Variants in CDCA7L observed in about 807,000 individuals in gnomAD.
The protein encoded by CDCA7L is cell division cycle associated 7 like, also known as cell division cycle-associated 7-like protein.
Under a neutral mutation model 57.4 loss-of-function variants are expected in CDCA7L, and 44 were observed. The ratio of observed to expected loss-of-function variants is 0.77; its 90% CI spans 0.60 to 0.98. The LOEUF is 0.98. Among genes scored for constraint, CDCA7L ranks in the 50% least tolerant of loss-of-function variants. The probability of loss-of-function intolerance (pLI) is 0.00; values close to 1 mark genes in which losing one functional copy is unlikely to be tolerated. For missense variants in CDCA7L, 644 were observed against 580.6 expected (o/e 1.11, Z -1.12); for synonymous variants, 236 against 202.8 (o/e 1.16, Z -1.39).
Position 21,916,839 on chromosome 7 carries a change from A to G in CDCA7L, c.80T>C (p.Val27Ala). Residue 27 changes from valine (V) to alanine (A), a missense_variant, in exon 2 of 10, where the codon GTT becomes GCT. Coordinates refer to ENST00000406877, the MANE Select transcript of CDCA7L (RefSeq NM_018719.5). The part of the protein sequence containing the change: ...FNAPSDDEEF[V>A]GFRDDVPMET... ...CATGGGAACATCATCTCGGAAGCCA[A>G]CAAACTCTTCATCATCACTGGGGGC... 3 of 1,614,122 alleles carry G rather than the reference A, an allele frequency of 1.9e-6. No homozygotes were observed. Among genetic ancestry groups the G allele is most frequent in the Non-Finnish European group, 2.5e-6 (3 of 1,179,982 alleles).
chr7:21,912,513 A>G (rs1397480073), intron 2 of CDCA7L, among the ~76,000 whole-genome samples: 1 of 152,222 alleles, frequency 6.6e-6, no homozygotes, highest in Non-Finnish European at 1.5e-5. Flanking sequence ...TGGAAAGAAG[A>G]TATGAGGAGA....
In CDCA7L at chr7:21,945,765, G is replaced by GCGGC. The variant is rs775713303; in HGVS notation, c.24+12_24+15dup. On this transcript the variant is annotated intron_variant, in intron 1 of 9. Coordinates refer to ENST00000406877, the MANE Select transcript of CDCA7L (RefSeq NM_018719.5). Reference sequence around the variant, plus strand: ...TGTGGGTGCGTCCGGACGGCGGCGGGCGGCCGGACCCTCACCTGGTAGCGA... The same window carrying GCGGC: ...TGTGGGTGCGTCCGGACGGCGGCGGGCGGCCGGCCGGACCCTCACCTGGTAGCGA... 10 of 1,598,820 alleles carry GCGGC rather than the reference G, an allele frequency of 6.3e-6. No homozygotes were observed. The highest frequency in any genetic ancestry group is 2.3e-5 in the East Asian group (1 of 43,032).
intron 1 of CDCA7L, among the ~76,000 whole-genome samples, chr7:21,926,269 A>C (rs568024014): frequency 4.6e-5 from 7 of 152,232 alleles, no homozygotes; most frequent in Non-Finnish European, 7.3e-5. Context: ...CCAACAGCAC[A>C]AGCAACAATT....
chr7:21,905,714 T>C (rs1785117801), intron 6 of CDCA7L, 83 bp from the exon 7 acceptor site: 2 of 1,424,578 alleles, frequency 1.4e-6, no homozygotes, highest in South Asian at 1.5e-5. Context: ...CTCAAAGATC[T>C]AGCACCATTA....
At chr7:21,943,193 G>A (rs1786398693) in intron 1 of CDCA7L, among the ~76,000 whole-genome samples, 1 of 152,232 alleles carries the variant, frequency 6.6e-6, no homozygotes, top group African/African-American at 2.4e-5. Flanking sequence ...AGACACAGTG[G>A]TCAGCACGAC....
At chr7:21,914,052 A>T (rs1419872482) in intron 2 of CDCA7L, among the ~76,000 whole-genome samples, 1 of 152,206 alleles carries the variant, frequency 6.6e-6, no homozygotes, top group Non-Finnish European at 1.5e-5. Flanking sequence ...TTGGTCATCT[A>T]CCATGATCAG....
rs937816163 is a variant in CDCA7L at position 21,911,836 on chromosome 7, C to G, written c.166-82G>C. 5 of 1,344,216 alleles carry G rather than the reference C, an allele frequency of 3.7e-6. No individual in the cohort carries two copies. In the Admixed American group the frequency reaches 1.1e-4, roughly 29 times the overall value. 83.3% of individuals were successfully genotyped at this position (1,344,216 alleles called of 1,614,324 possible). ...AAGGGTAGAATGAGGAGCTACTGAA[C>G]GGGTACAGAGCTTCTGATGGAGATG... On this transcript the variant is annotated intron_variant, in intron 2 of 9. Coordinates refer to ENST00000406877, the MANE Select transcript of CDCA7L (RefSeq NM_018719.5).
chr7:21,904,015 G>C (rs1785044184), intron 8 of CDCA7L, 95 bp downstream of exon 8: 1 of 1,176,650 alleles, frequency 8.5e-7, no homozygotes, highest in Admixed American at 3.2e-5. Flanking sequence ...GAGTTCTGGA[G>C]CTCCCTAGTT....
chr7:21,942,000 G>A (rs1164242654), intron 1 of CDCA7L, among the ~76,000 whole-genome samples: 1 of 152,184 alleles, frequency 6.6e-6, no homozygotes, highest in East Asian at 1.9e-4. Context: ...GAAGAGGAAG[G>A]GAGTTCAAGC....
chr7:21,914,942 C>A (rs559078849), intron 2 of CDCA7L, among the ~76,000 whole-genome samples: 2 of 152,174 alleles, frequency 1.3e-5, no homozygotes. Flanking sequence ...GCTCTGTGCT[C>A]GGCCCTTTAG....
At position 21,936,518 on chromosome 7, in the gene CDCA7L, C is replaced by G. The variant is rs538401252; in HGVS notation, c.24+9263G>C. On this transcript the variant is annotated intron_variant, in intron 1 of 9. Transcript: ENST00000406877. ...CTAGGAATGCAAAATGGTTCAAACA[C>G]ATAAAAATCAATTAATGTAGTACAC... 1.6e-3 allele frequency among the ~76,000 whole-genome samples: 239 copies of G among 151,824 alleles called. 1 individual carries two copies. Among genetic ancestry groups the G allele is most frequent in the Non-Finnish European group, 2.8e-3 (190 of 67,918 alleles).
Position 21,903,034 on chromosome 7 carries a change from G to A in CDCA7L, c.1278C>T (p.Ile426=), listed in dbSNP as rs1425359765. The A allele has an allele frequency of 6.8e-6, 11 of 1,613,428 alleles. No homozygotes were observed. Among genetic ancestry groups the A allele is most frequent in the Non-Finnish European group, 9.3e-6 (11 of 1,179,402 alleles). The part of the protein sequence containing the change: ...RKRDGRCATG[I]LIHLAKFYGY... ...CATAAAACTTGGCCAGATGAATGAG[G>A]ATTCCTGTGGCACAGCGGCCGTCAC... is the stretch of plus-strand genomic sequence containing the variant. Residue 426 remains isoleucine (I), a synonymous_variant, in exon 9 of 10, where the codon ATC becomes ATT. Transcript: ENST00000406877.
rs550518090 is a variant in CDCA7L, at chr7:21,901,136, G to T, written c.*1186C>A. On this transcript the variant is annotated 3_prime_UTR_variant, in exon 10 of 10. Coordinates refer to ENST00000406877, the MANE Select transcript of CDCA7L (RefSeq NM_018719.5). ...CAAGAAACCAAACAGACCTACGAGT[G>T]CCCTGTGTATAGAACCAAACTGAGA... 1 of 1,613,294 alleles carries T rather than the reference G, an allele frequency of 6.2e-7. No homozygotes were observed. Among genetic ancestry groups the T allele is most frequent in the South Asian group, 1.1e-5 (1 of 91,080 alleles).
intron 2 of CDCA7L, among the ~76,000 whole-genome samples, chr7:21,914,768 T>G (rs1459341130): frequency 2.0e-5 from 3 of 152,156 alleles, no homozygotes; most frequent in Non-Finnish European, 2.9e-5. Context: ...TTTCATCACT[T>G]GCAAAACTGC....
intron 1 of CDCA7L, among the ~76,000 whole-genome samples, chr7:21,935,598 G>GA (rs58865336): frequency 0.86 from 129,576 of 150,212 alleles, 56,178 homozygotes; most frequent in East Asian, 0.95. Flanking sequence ...TTTATTCTTT[G>GA]AAAAAAAAAA....
At chr7:21,922,886 C>A (rs1785699911) in intron 1 of CDCA7L, among the ~76,000 whole-genome samples, 1 of 152,204 alleles carries the variant, frequency 6.6e-6, no homozygotes, top group Admixed American at 6.5e-5. Context: ...ACTTTGAAGA[C>A]GTTATGCTAA....
In CDCA7L at chr7:21,945,751, CCGGACGGCGG is replaced by C; in HGVS notation, c.24+20_24+29del. 4 of 1,600,852 alleles carry C rather than the reference CCGGACGGCGG, an allele frequency of 2.5e-6. No homozygotes were observed. The highest frequency in any genetic ancestry group is 1.7e-6 in the Non-Finnish European group (2 of 1,174,878). ...AAGGGAAGTCAAACTGTGGGTGCGT[CCGGACGGCGG>C]CGGGCGGCCGGACCCTCACCTGGTA... On this transcript the variant is annotated intron_variant, in intron 1 of 9. Coordinates refer to ENST00000406877, the MANE Select transcript of CDCA7L (RefSeq NM_018719.5).
At chr7:21,939,751 C>T (rs963252985) in intron 1 of CDCA7L, among the ~76,000 whole-genome samples, 1 of 152,104 alleles carries the variant, frequency 6.6e-6, no homozygotes, top group African/African-American at 2.4e-5. Flanking sequence ...AAACCACTTA[C>T]CAGGGGCATT....
intron 7 of CDCA7L, among the ~76,000 whole-genome samples, chr7:21,904,653 A>T (rs533392259): frequency 1.3e-5 from 2 of 152,220 alleles, no homozygotes; most frequent in African/African-American, 4.8e-5. Flanking sequence ...TCTGAGGTGG[A>T]ACAGTTTCAT....
Sources: gnomAD v4.1 joint callset for allele counts (sites outside exome capture counted in the v4.1 genomes callset) on GRCh38, gnomAD v4.1.1 for gene constraint, MANE v1.5 for transcripts, NCBI Gene and HGNC (gene_info 2026-07-23, HGNC 2026-07-21) for gene names.